Variants in COP1 observed in about 807,000 individuals in gnomAD.
COP1 encodes the protein E3 ubiquitin-protein ligase COP1.
A neutral mutation model predicts 101.3 loss-of-function variants in COP1; 24 were observed. The observed-to-expected ratio is 0.24, with a 90% CI of 0.17 to 0.33. The LOEUF (loss-of-function observed/expected upper bound fraction) is 0.33, where lower values mean the gene tolerates loss of function less well. COP1 is among the 10% of genes least tolerant of loss of function. The pLI, the probability that COP1 is intolerant of heterozygous loss-of-function variation, is 1.00. For missense variants in COP1, 663 were observed against 906.2 expected, an observed-to-expected ratio of 0.73 and a Z score of 3.45; for synonymous variants, 347 against 341.9, an observed-to-expected ratio of 1.01 and a Z score of -0.17.
At chr1:176,041,068 T>C (rs1463491138) in intron 14 of COP1, among the ~76,000 whole-genome samples, 3 of 152,196 alleles carry the variant, frequency 2.0e-5, no homozygotes, top group African/African-American at 7.2e-5. Flanking sequence ...AAAAGTGATG[T>C]AGAATTTTGC....
At chr1:176,140,595 A>G (rs2149771271) in intron 6 of COP1, among the ~76,000 whole-genome samples, 1 of 152,324 alleles carries the variant, frequency 6.6e-6, no homozygotes, top group South Asian at 2.1e-4. Flanking sequence ...AAGGATGTGG[A>G]AAGAAGAAAT....
intron 11 of COP1, among the ~76,000 whole-genome samples, chr1:176,048,286 G>C (rs1671871135): frequency 7.0e-6 from 1 of 143,252 alleles, no homozygotes; most frequent in South Asian, 2.2e-4. Context: ...TCCCACCTCA[G>C]CCTCCCAAAG....
At chr1:176,184,747 T>C in intron 1 of COP1, 55 bp from the exon 2 acceptor site, 6 of 1,321,102 alleles carry the variant, frequency 4.5e-6, no homozygotes, top group Non-Finnish European at 6.5e-6. Flanking sequence ...TGATTACAAA[T>C]TGGAAAAGAC....
At chr1:176,173,641 A>AC (rs1696456458) in intron 3 of COP1, among the ~76,000 whole-genome samples, 1 of 151,668 alleles carries the variant, frequency 6.6e-6, no homozygotes, top group South Asian at 2.1e-4. Context: ...CTGTCTCAAA[A>AC]AAAAAAAAAA....
chr1:176,150,184 C>T (rs1381256657), intron 5 of COP1, among the ~76,000 whole-genome samples: 1 of 152,284 alleles, frequency 6.6e-6, no homozygotes, highest in East Asian at 1.9e-4. Flanking sequence ...GACCACCTCA[C>T]ACCCACTTCC....
At chr1:176,056,836 G>T (rs1283696719) in intron 11 of COP1, among the ~76,000 whole-genome samples, 1 of 152,054 alleles carries the variant, frequency 6.6e-6, no homozygotes, top group Non-Finnish European at 1.5e-5. Flanking sequence ...GGGAATTGTA[G>T]TATTTCTGTC....
At chr1:176,141,826 G>C (rs1690733399) in intron 6 of COP1, among the ~76,000 whole-genome samples, 1 of 151,588 alleles carries the variant, frequency 6.6e-6, no homozygotes, top group South Asian at 2.1e-4. Flanking sequence ...TGCCTCCTAG[G>C]CTCAAGCAAT....
At chr1:176,201,583 T>C (rs947938302) in intron 1 of COP1, among the ~76,000 whole-genome samples, 1 of 152,244 alleles carries the variant, frequency 6.6e-6, no homozygotes, top group Non-Finnish European at 1.5e-5. Context: ...CATTCTTTAG[T>C]AATGAACTAC....
intron 15 of COP1, among the ~76,000 whole-genome samples, chr1:175,989,911 C>T (rs1362411081): frequency 6.6e-6 from 1 of 152,052 alleles, no homozygotes; most frequent in Non-Finnish European, 1.5e-5. Flanking sequence ...TACCATAAAT[C>T]AGTTTTAGAG....
chr1:176,051,695 T>C (rs1672590670), intron 11 of COP1, among the ~76,000 whole-genome samples: 1 of 152,184 alleles, frequency 6.6e-6, no homozygotes, highest in Non-Finnish European at 1.5e-5. Context: ...ACTGAAGACC[T>C]TCCAGTGAGA....
intron 14 of COP1, among the ~76,000 whole-genome samples, chr1:176,039,943 A>G (rs757568908): frequency 4.6e-4 from 70 of 152,202 alleles, no homozygotes; most frequent in Non-Finnish European, 8.7e-4. Flanking sequence ...TAGGAGCTTA[A>G]AACTATAAAA....
chr1:176,139,328 A>G (rs1690310785), intron 6 of COP1, among the ~76,000 whole-genome samples: 1 of 151,962 alleles, frequency 6.6e-6, no homozygotes, highest in South Asian at 2.1e-4. Flanking sequence ...GTGAGGCTGC[A>G]GAGAAAAAGG....
chr1:176,007,860 G>A (rs1202668917), intron 15 of COP1, among the ~76,000 whole-genome samples: 2 of 152,234 alleles, frequency 1.3e-5, no homozygotes, highest in African/African-American at 4.8e-5. Context: ...CTTCAGCTGT[G>A]GTGGGCTCCA....
At chr1:175,980,394 A>C (rs954493391) in intron 18 of COP1, among the ~76,000 whole-genome samples, 3 of 128,242 alleles carry the variant, frequency 2.3e-5, no homozygotes, top group Non-Finnish European at 5.4e-5. Context: ...TCAATGTTTC[A>C]GAATAGTATT....
chr1:176,147,085 T>G (rs1691683027), intron 6 of COP1, among the ~76,000 whole-genome samples: 3 of 152,172 alleles, frequency 2.0e-5, no homozygotes, highest in Admixed American at 6.5e-5. Context: ...ATTTTCAAAG[T>G]TTGAATGTCA....
chr1:176,168,351 CT>C (rs1344435262), intron 3 of COP1, among the ~76,000 whole-genome samples: 2 of 150,626 alleles, frequency 1.3e-5, no homozygotes, highest in East Asian at 2.0e-4. Flanking sequence ...GCCACCACCC[CT>C]GACCTACAAA....
In COP1 at chr1:176,004,026, T is replaced by C. The variant is rs1293870454; in HGVS notation, c.1730-14547A>G. On this transcript the variant is annotated intron_variant, in intron 15 of 19. Transcript: ENST00000367669. ...TTTGTTTGTATCCTCTTTTATTTCC[T>C]TGAGCAGTGGTTTGTAGTTCTCCTT... 6.1e-4 allele frequency among the ~76,000 whole-genome samples: 90 copies of C among 146,344 alleles called. 1 individual carries two copies. The highest frequency in any genetic ancestry group is 1.7e-3 in the African/African-American group (67 of 40,174).
At chr1:176,195,655 T>C (rs956718549) in intron 1 of COP1, among the ~76,000 whole-genome samples, 14 of 152,148 alleles carry the variant, frequency 9.2e-5, no homozygotes, top group South Asian at 2.1e-4. Context: ...AAATCAGACA[T>C]AGAATGATAC....
At chr1:175,988,548 G>GC (rs1481677378) in intron 16 of COP1, 136 bp from the exon 17 acceptor site, 6 of 806,092 alleles carry the variant, frequency 7.4e-6, no homozygotes, top group African/African-American at 1.7e-5. Context: ...ACGTTCATCT[G>GC]TCGGCCAGGC....
Sources: allele counts gnomAD v4.1 joint callset (sites outside exome capture counted in the v4.1 genomes callset), GRCh38; gene constraint gnomAD v4.1.1; transcripts MANE v1.5; gene names NCBI Gene and HGNC (gene_info 2026-07-23, HGNC 2026-07-21).